SH3PXD2A: variants seen among roughly 807,000 people sequenced by gnomAD.
The protein encoded by SH3PXD2A is SH3 and PX domains 2A, also known as SH3 and PX domain-containing protein 2A.
SH3PXD2A carries 32 observed loss-of-function variants against 115.2 expected under a neutral mutation model. The observed-to-expected ratio is 0.28, with a 90% confidence interval of 0.21 to 0.37. SH3PXD2A has a LOEUF of 0.37. Ranked by LOEUF, SH3PXD2A falls within the 10% of genes least tolerant of loss-of-function variation. The probability of loss-of-function intolerance (pLI) is 1.00; values close to 1 mark genes in which losing one functional copy is unlikely to be tolerated. For missense variants in SH3PXD2A, 1,328 were observed against 1,498.7 expected (o/e 0.89, Z 1.88); for synonymous variants, 610 against 629.1 (o/e 0.97, Z 0.45).
chr10:103,658,094 TGAAG>T (rs773317897), intron 8 of SH3PXD2A, among the ~76,000 whole-genome samples: 10 of 152,258 alleles, frequency 6.6e-5, no homozygotes, highest in African/African-American at 9.6e-5. Flanking sequence ...ATGATGTATG[TGAAG>T]CATGTGGCCT....
Position 103,734,378 on chromosome 10 carries a change from GT to G in SH3PXD2A, c.306+1353del, listed in dbSNP as rs928029136. Among the ~76,000 whole-genome samples the G allele has an allele frequency of 1.8e-3, 269 of 151,058 alleles. 1 individual carries two copies. Among genetic ancestry groups the G allele is most frequent in the African/African-American group, 3.9e-3 (162 of 41,416 alleles). On this transcript the variant is annotated intron_variant, in intron 4 of 14. Coordinates refer to ENST00000369774, the MANE Select transcript of SH3PXD2A (RefSeq NM_001394015.1). ...TATTTTGTGTTTGCTTTATTTGCTT[GT>G]TTTTTTTTTTTATTTGCTTTTAATA...
intron 1 of SH3PXD2A, among the ~76,000 whole-genome samples, chr10:103,822,788 C>A (rs753298117): frequency 6.6e-6 from 1 of 152,072 alleles, no homozygotes; most frequent in Non-Finnish European, 1.5e-5. Flanking sequence ...TTAAATGGAC[C>A]AAGAATATAA....
At chr10:103,606,411 T>C (rs1235069954) in intron 13 of SH3PXD2A, among the ~76,000 whole-genome samples, 1 of 76,434 alleles carries the variant, frequency 1.3e-5, no homozygotes, top group African/African-American at 5.0e-5. Context: ...ATGGGCTCTC[T>C]CAGGATCTGG....
chr10:103,757,788 G>A (rs757785735), intron 3 of SH3PXD2A, among the ~76,000 whole-genome samples: 7 of 152,140 alleles, frequency 4.6e-5, no homozygotes, highest in Non-Finnish European at 7.3e-5. Flanking sequence ...CAGCCATCTG[G>A]GTCATCTGCT....
chr10:103,637,475 G>A (rs530967839), intron 8 of SH3PXD2A, among the ~76,000 whole-genome samples: 51 of 152,276 alleles, frequency 3.3e-4, no homozygotes, highest in Admixed American at 1.8e-3. Context: ...GGTGCATGGT[G>A]GAGCTAGGAA....
intron 1 of SH3PXD2A, among the ~76,000 whole-genome samples, chr10:103,839,355 G>A (rs904618896): frequency 1.3e-5 from 2 of 152,188 alleles, no homozygotes; most frequent in Non-Finnish European, 2.9e-5. Flanking sequence ...ATGCACATGC[G>A]AAGGATTCTT....
At chr10:103,616,011 C>G (rs2133937466) in intron 11 of SH3PXD2A, among the ~76,000 whole-genome samples, 1 of 85,182 alleles carries the variant, frequency 1.2e-5, no homozygotes, top group African/African-American at 4.7e-5. Flanking sequence ...TGATATGCAC[C>G]AGGGCTCCGG....
At chr10:103,776,818 T>G (rs1211655645) in intron 2 of SH3PXD2A, among the ~76,000 whole-genome samples, 1 of 152,168 alleles carries the variant, frequency 6.6e-6, no homozygotes, top group Non-Finnish European at 1.5e-5. Context: ...CCGGATGATC[T>G]CAACTAATTA....
chr10:103,674,333 T>C (rs2037500183), intron 6 of SH3PXD2A, among the ~76,000 whole-genome samples: 2 of 152,214 alleles, frequency 1.3e-5, no homozygotes, highest in Non-Finnish European at 2.9e-5. Flanking sequence ...CAGCAACTCA[T>C]ATCTTTACGA....
At chr10:103,805,803 C>T (rs569617833) in intron 1 of SH3PXD2A, among the ~76,000 whole-genome samples, 4 of 152,344 alleles carry the variant, frequency 2.6e-5, no homozygotes, top group Non-Finnish European at 5.9e-5. Flanking sequence ...GCAGGAGGAT[C>T]GCTTGAGCCC....
intron 2 of SH3PXD2A, among the ~76,000 whole-genome samples, chr10:103,782,490 G>A (rs908651614): frequency 1.3e-5 from 2 of 152,192 alleles, no homozygotes; most frequent in Non-Finnish European, 2.9e-5. Flanking sequence ...AGGACAGCAG[G>A]CCTCTCTCTC....
At chr10:103,795,535 A>C (rs2039077376) in intron 2 of SH3PXD2A, among the ~76,000 whole-genome samples, 1 of 152,210 alleles carries the variant, frequency 6.6e-6, no homozygotes, top group Non-Finnish European at 1.5e-5. Context: ...GAAGCATAAA[A>C]GAGTCTCTCA....
At chr10:103,833,107 T>C (rs918896385) in intron 1 of SH3PXD2A, among the ~76,000 whole-genome samples, 5 of 152,196 alleles carry the variant, frequency 3.3e-5, no homozygotes, top group Non-Finnish European at 7.3e-5. Context: ...TGAACAAAAT[T>C]GCTAACTATG....
intron 5 of SH3PXD2A, among the ~76,000 whole-genome samples, chr10:103,701,728 T>TC (rs2037911313): frequency 7.2e-6 from 1 of 138,686 alleles, no homozygotes; most frequent in African/African-American, 2.7e-5. Flanking sequence ...TATCCATCCA[T>TC]CATTCATCCA....
chr10:103,605,619 A>C (rs1466927823), intron 14 of SH3PXD2A, among the ~76,000 whole-genome samples, 179 bp downstream of exon 14: 1 of 152,156 alleles, frequency 6.6e-6, no homozygotes, highest in Non-Finnish European at 1.5e-5. Context: ...GCTGGGATCT[A>C]GTTTAGGCCA....
At chr10:103,626,188 C>T (rs1448051152) in intron 9 of SH3PXD2A, among the ~76,000 whole-genome samples, 2 of 152,242 alleles carry the variant, frequency 1.3e-5, no homozygotes, top group African/African-American at 4.8e-5. Context: ...GGAGGAAGGG[C>T]GAAGCCCCAG....
chr10:103,790,180 A>G (rs11191810), intron 2 of SH3PXD2A, among the ~76,000 whole-genome samples: 6,205 of 148,788 alleles, frequency 0.042, 190 homozygotes, highest in South Asian at 0.11. Context: ...TTTGAGATGG[A>G]GTCTCGCTGT....
chr10:103,686,745 A>ATTTTT (rs760028346), intron 6 of SH3PXD2A, among the ~76,000 whole-genome samples: 10 of 128,558 alleles, frequency 7.8e-5, no homozygotes, highest in South Asian at 2.5e-4. Flanking sequence ...TTGCTGGGGA[A>ATTTTT]TTTTTTTTTT....
rs777924454 is a variant in SH3PXD2A at position 103,855,298 on chromosome 10, G to C, written c.-32C>G. 4 of 1,495,886 alleles carry C rather than the reference G, an allele frequency of 2.7e-6. No homozygotes were observed. Among genetic ancestry groups the C allele is most frequent in the Middle Eastern group, 1.7e-4 (1 of 5,868 alleles). 92.7% of individuals were successfully genotyped at this position (1,495,886 alleles called of 1,614,324 possible). Reference sequence around the variant, plus strand: ...CCACAAAGCGAGTGGCGCCCCCGGCGGCGTCACCTTCTCATCCCGGCCGGG... The same window carrying C: ...CCACAAAGCGAGTGGCGCCCCCGGCCGCGTCACCTTCTCATCCCGGCCGGG... On this transcript the variant is annotated 5_prime_UTR_variant, in exon 1 of 15. Transcript: ENST00000369774.
Sources: allele counts gnomAD v4.1 joint callset (sites outside exome capture counted in the v4.1 genomes callset), GRCh38; gene constraint gnomAD v4.1.1; transcripts MANE v1.5; gene names NCBI Gene and HGNC (gene_info 2026-07-23, HGNC 2026-07-21).